The following SKAP1 variants were observed in gnomAD, a reference collection of about 807,000 sequenced individuals.
SKAP1 encodes src kinase-associated phosphoprotein 1.
SKAP1 carries 44 observed loss-of-function variants against 58.5 expected under a neutral mutation model. The observed-to-expected ratio is 0.75, with a 90% confidence interval of 0.59 to 0.97. The LOEUF is 0.97. Ranked by LOEUF, SKAP1 falls within the 50% of genes least tolerant of loss-of-function variation. The probability of loss-of-function intolerance (pLI) is 0.00; values close to 1 mark genes in which losing one functional copy is unlikely to be tolerated. For missense variants in SKAP1, 390 were observed against 435.2 expected (o/e 0.90, Z 0.92); for synonymous variants, 127 against 149.7 (o/e 0.85, Z 1.11).
At chr17:48,379,704 CAG>C (rs1366379800) in intron 2 of SKAP1, among the ~76,000 whole-genome samples, 1 of 131,110 alleles carries the variant, frequency 7.6e-6, no homozygotes, top group Non-Finnish European at 1.6e-5. Context: ...TTTTTTGAGA[CAG>C]AGTCTTACTC....
intron 9 of SKAP1, among the ~76,000 whole-genome samples, chr17:48,172,400 C>T (rs1197453081): frequency 1.3e-5 from 2 of 152,134 alleles, no homozygotes; most frequent in Non-Finnish European, 2.9e-5. Context: ...GGTTTCATCT[C>T]GTCACATTAC....
intron 4 of SKAP1, among the ~76,000 whole-genome samples, chr17:48,238,943 A>C (rs1279133016): frequency 6.6e-6 from 1 of 152,198 alleles, no homozygotes; most frequent in Non-Finnish European, 1.5e-5. Flanking sequence ...CTTCAAATGA[A>C]AGATGCCCAG....
chr17:48,420,683 C>G (rs776360182), intron 1 of SKAP1, among the ~76,000 whole-genome samples: 2 of 152,084 alleles, frequency 1.3e-5, no homozygotes, highest in Non-Finnish European at 2.9e-5. Context: ...CCCTGATTCT[C>G]CAGGGATGTT....
chr17:48,325,112 G>A (rs570097529), intron 4 of SKAP1, among the ~76,000 whole-genome samples: 4 of 152,188 alleles, frequency 2.6e-5, no homozygotes, highest in South Asian at 4.2e-4. Context: ...AGCCAGGCAA[G>A]GTGGCGGGCG....
intron 11 of SKAP1, among the ~76,000 whole-genome samples, chr17:48,155,087 CT>C (rs1441426067): frequency 6.6e-6 from 1 of 150,376 alleles, no homozygotes; most frequent in African/African-American, 2.5e-5. Flanking sequence ...AAAAAGTTAT[CT>C]TGAATAGTGG....
chr17:48,378,187 C>T (rs1316501402), intron 2 of SKAP1, among the ~76,000 whole-genome samples: 1 of 152,164 alleles, frequency 6.6e-6, no homozygotes, highest in African/African-American at 2.4e-5. Flanking sequence ...CGCAAACGGT[C>T]CATCTGCCCT....
chr17:48,438,495 C>G, the SKAP1 span, among the ~76,000 whole-genome samples: 1 of 152,152 alleles, frequency 6.6e-6, no homozygotes, highest in Non-Finnish European at 1.5e-5. Flanking sequence ...TCCTCTTTAT[C>G]AAGCTAATCT....
chr17:48,318,156 G>A (rs1307251602), intron 4 of SKAP1, among the ~76,000 whole-genome samples: 1 of 152,110 alleles, frequency 6.6e-6, no homozygotes, highest in East Asian at 1.9e-4. Context: ...ACATTCTTTT[G>A]CAAGAATTGC....
chr17:48,347,847 T>C (rs534029687), intron 3 of SKAP1, among the ~76,000 whole-genome samples: 1 of 152,316 alleles, frequency 6.6e-6, no homozygotes, highest in African/African-American at 2.4e-5. Context: ...ACTGCCTGGC[T>C]AGTAACCTGA....
At chr17:48,220,852 C>CAAAAAAAAAAAAAAAAAAAA (rs56006389) in intron 4 of SKAP1, among the ~76,000 whole-genome samples, 22 of 83,622 alleles carry the variant, frequency 2.6e-4, no homozygotes, top group Non-Finnish European at 3.6e-4. Flanking sequence ...GACTCCATCT[C>CAAAAAAAAAAAAAAAAAAAA]AAAAAAAAAA....
At position 48,421,617 on chromosome 17, in the gene SKAP1, A is replaced by AT. The variant is rs2067794783; in HGVS notation, c.46+8457dup. 7.9e-5 allele frequency among the ~76,000 whole-genome samples: 12 copies of AT among 152,198 alleles called. No individual in the cohort carries two copies. The South Asian group carries it at 2.5e-3, about 32-fold the overall frequency. On this transcript the variant is annotated intron_variant, in intron 1 of 12. Coordinates refer to ENST00000336915, the MANE Select transcript of SKAP1 (RefSeq NM_003726.4). ...ACCATGCCCAGCCACAAAACAGGGTATTCTATAACAAGGCAAGGAACACTT... is the reference window on the plus strand; with the variant it reads ...ACCATGCCCAGCCACAAAACAGGGTATTTCTATAACAAGGCAAGGAACACTT...
intron 2 of SKAP1, among the ~76,000 whole-genome samples, chr17:48,391,359 T>TA (rs1353965903): frequency 6.6e-6 from 1 of 152,150 alleles, no homozygotes; most frequent in Non-Finnish European, 1.5e-5. Flanking sequence ...AGACTTGCCA[T>TA]AAAAAACACA....
intron 4 of SKAP1, among the ~76,000 whole-genome samples, chr17:48,217,412 C>T (rs1053119483): frequency 2.6e-5 from 4 of 151,946 alleles, no homozygotes; most frequent in Non-Finnish European, 5.9e-5. Flanking sequence ...TGCAGGAGAC[C>T]GAGATGGGTG....
chr17:48,374,836 C>A (rs1330388124), intron 2 of SKAP1, among the ~76,000 whole-genome samples: 1 of 152,192 alleles, frequency 6.6e-6, no homozygotes, highest in African/African-American at 2.4e-5. Context: ...GAAAACAGCA[C>A]CATCTGGTGG....
At chr17:48,193,798 A>G in intron 4 of SKAP1, 1 of 895,444 alleles carries the variant, frequency 1.1e-6, no homozygotes, top group Non-Finnish European at 1.3e-6. Context: ...AGATCTGCAG[A>G]GAACTACTTA....
intron 4 of SKAP1, among the ~76,000 whole-genome samples, chr17:48,247,531 A>C (rs2065310618): frequency 6.6e-6 from 1 of 152,182 alleles, no homozygotes; most frequent in Non-Finnish European, 1.5e-5. Context: ...TTTAAAGGTA[A>C]CCGTCTTTTC....
chr17:48,322,214 T>C (rs2066376394), intron 4 of SKAP1, among the ~76,000 whole-genome samples: 1 of 152,244 alleles, frequency 6.6e-6, no homozygotes, highest in Non-Finnish European at 1.5e-5. Context: ...TCTACCTTCA[T>C]TACTTTTGCA....
intron 4 of SKAP1, among the ~76,000 whole-genome samples, chr17:48,316,111 A>T (rs757749884): frequency 3.3e-5 from 5 of 152,326 alleles, no homozygotes; most frequent in Non-Finnish European, 7.4e-5. Context: ...TAGTTAGAGA[A>T]TTCTTTTAGA....
intron 4 of SKAP1, among the ~76,000 whole-genome samples, chr17:48,333,471 G>T (rs531226680): frequency 1.1e-4 from 16 of 152,030 alleles, no homozygotes; most frequent in Non-Finnish European, 1.9e-4. Flanking sequence ...GAATTGATAG[G>T]AACTTTTCCA....
Sources: allele counts gnomAD v4.1 joint callset (sites outside exome capture counted in the v4.1 genomes callset), GRCh38; gene constraint gnomAD v4.1.1; transcripts MANE v1.5; gene names NCBI Gene and HGNC (gene_info 2026-07-23, HGNC 2026-07-21).